GALK2: variants seen among roughly 807,000 people sequenced by gnomAD.
GALK2 encodes the protein N-acetylgalactosamine kinase.
Under a neutral mutation model 52.4 loss-of-function variants are expected in GALK2, and 36 were observed. The ratio of observed to expected loss-of-function variants is 0.69; its 90% CI spans 0.53 to 0.91. The LOEUF is 0.91. GALK2 is among the 40% of genes least tolerant of loss of function. GALK2 has a pLI of 0.00. For missense variants in GALK2, 579 were observed against 559.1 expected, an observed-to-expected ratio of 1.04 and a Z score of -0.36; for synonymous variants, 176 against 199.1, an observed-to-expected ratio of 0.88 and a Z score of 0.98.
intron 5 of GALK2, among the ~76,000 whole-genome samples, chr15:49,274,148 A>G (rs1253646842): frequency 1.3e-5 from 2 of 152,178 alleles, no homozygotes; most frequent in African/African-American, 4.8e-5. Context: ...ATTGCTTAAC[A>G]ATGGGGTAAT....
In GALK2 at chr15:49,285,054, A is replaced by G. The variant is rs1595961024; in HGVS notation, c.756+1336A>G. 3.9e-5 allele frequency among the ~76,000 whole-genome samples: 6 copies of G among 152,114 alleles called. No homozygotes were observed. In the East Asian group the frequency reaches 9.6e-4, roughly 24 times the overall value. On this transcript the variant is annotated intron_variant, in intron 7 of 9. Coordinates refer to ENST00000560031, the MANE Select transcript of GALK2 (RefSeq NM_002044.4). Reference sequence around the variant, plus strand: ...AAACTTCTCAAAAATTGCTTTATATATGTTATCTTTACTCCTCTACCTCCC... The same window carrying G: ...AAACTTCTCAAAAATTGCTTTATATGTGTTATCTTTACTCCTCTACCTCCC...
rs781417290 is a variant in GALK2, at chr15:49,292,526, A to G, written c.956A>G (p.Asn319Ser). The change falls in exon 8 of 10, where the codon AAC becomes AGC. Residue 319 changes from asparagine (N) to serine (S), a missense_variant. Coordinates refer to ENST00000560031, the MANE Select transcript of GALK2 (RefSeq NM_002044.4). ...CTCCGAACCCAAATCCTGAGTCCAAACACTCAAGATGGTGAGTTGGCTGGA... is the reference window on the plus strand; with the variant it reads ...CTCCGAACCCAAATCCTGAGTCCAAGCACTCAAGATGGTGAGTTGGCTGGA... ...EELRTQILSPNTQDVLIFKLY... is the reference protein window; with the variant it reads ...EELRTQILSPSTQDVLIFKLY... The G allele has an allele frequency of 3.7e-6, 6 of 1,613,200 alleles. No homozygotes were observed. The highest frequency in any genetic ancestry group is 5.1e-6 in the Non-Finnish European group (6 of 1,179,252).
intron 2 of GALK2, among the ~76,000 whole-genome samples, chr15:49,201,469 GT>G (rs2087770216): frequency 6.6e-6 from 1 of 151,836 alleles, no homozygotes; most frequent in Non-Finnish European, 1.5e-5. Context: ...GTATTAATTT[GT>G]TGAAACCAAG....
rs531178673 is a variant in GALK2, at chr15:49,207,873, G to T, written c.142+6623G>T. On this transcript the variant is annotated intron_variant, in intron 2 of 9. Coordinates refer to ENST00000560031, the MANE Select transcript of GALK2 (RefSeq NM_002044.4). ...GCTCACTGCAATGTCCACCACCCAGGTTCAAGCTTCTCCTGCCTCAGCCTG... is the reference window on the plus strand; with the variant it reads ...GCTCACTGCAATGTCCACCACCCAGTTTCAAGCTTCTCCTGCCTCAGCCTG... 2.6e-5 allele frequency among the ~76,000 whole-genome samples: 4 copies of T among 152,252 alleles called. No individual in the cohort carries two copies. In the South Asian group the frequency reaches 8.3e-4, roughly 32 times the overall value.
chr15:49,309,931 A>G (rs2035855514), intron 8 of GALK2, among the ~76,000 whole-genome samples: 1 of 152,124 alleles, frequency 6.6e-6, no homozygotes, highest in South Asian at 2.1e-4. Context: ...GAACATGTAT[A>G]ATAAATTCTT....
At chr15:49,220,457 A>G (rs2089716250) in intron 3 of GALK2, among the ~76,000 whole-genome samples, 1 of 151,954 alleles carries the variant, frequency 6.6e-6, no homozygotes, top group Non-Finnish European at 1.5e-5. Flanking sequence ...TTGTGTATAT[A>G]TACATTTTCT....
At chr15:49,287,959 T>C (rs202009910) in intron 7 of GALK2, among the ~76,000 whole-genome samples, 9 of 151,486 alleles carry the variant, frequency 5.9e-5, no homozygotes, top group Non-Finnish European at 5.9e-5. Context: ...CTCTGTCTCT[T>C]TCTCTCCATC....
At chr15:49,200,175 A>T (rs2087616356) in intron 1 of GALK2, among the ~76,000 whole-genome samples, 1 of 152,198 alleles carries the variant, frequency 6.6e-6, no homozygotes, top group South Asian at 2.1e-4. Context: ...TATTAAATAT[A>T]TTACAAGAAT....
At chr15:49,353,614 GTTTTTTT>G (rs59655647) in intron 3 of GALK2, 1 of 138,722 alleles carries the variant, frequency 7.2e-6, no homozygotes, top group Non-Finnish European at 1.5e-5. Context: ...GAAAATAAGG[GTTTTTTT>G]TTTTTTTTGT....
intron 3 of GALK2, among the ~76,000 whole-genome samples, chr15:49,220,323 A>G (rs946724704): frequency 6.6e-6 from 1 of 152,016 alleles, no homozygotes; most frequent in Non-Finnish European, 1.5e-5. Flanking sequence ...TCATGAGATC[A>G]GTTTTTTAAG....
intron 9 of GALK2, among the ~76,000 whole-genome samples, chr15:49,326,036 G>T (rs2037420786): frequency 6.6e-6 from 1 of 152,212 alleles, no homozygotes; most frequent in Non-Finnish European, 1.5e-5. Flanking sequence ...TTAGAAGTTG[G>T]ATTGAGGACC....
At chr15:49,270,641 G>T (rs759782374) in intron 5 of GALK2, among the ~76,000 whole-genome samples, 2 of 152,108 alleles carry the variant, frequency 1.3e-5, no homozygotes, top group African/African-American at 4.8e-5. Context: ...CCCACTACAT[G>T]TCAAAGTGTT....
In GALK2 at chr15:49,330,299, T is replaced by A. The variant is rs574898263; in HGVS notation, c.*2140T>A. On this transcript the variant is annotated 3_prime_UTR_variant, in exon 10 of 10. Transcript: ENST00000560031. ...TGGAGCTAGCTTTTGAAGAGTCAAATCCAGGCAGCATTTAGATCAGGGGTT... is the reference window on the plus strand; with the variant it reads ...TGGAGCTAGCTTTTGAAGAGTCAAAACCAGGCAGCATTTAGATCAGGGGTT... 1.3e-5 allele frequency: 2 copies of A among 152,182 alleles called. No individual in the cohort carries two copies. Among genetic ancestry groups the A allele is most frequent in the Non-Finnish European group, 2.9e-5 (2 of 68,028 alleles). 9.4% of individuals were successfully genotyped at this position (152,182 alleles called of 1,614,324 possible). A position where few individuals can be genotyped will look rare whatever the true frequency, so the allele number is the denominator to read the frequency against.
intron 3 of GALK2, among the ~76,000 whole-genome samples, chr15:49,340,209 G>A (rs1396235640): frequency 2.6e-5 from 4 of 152,142 alleles, no homozygotes; most frequent in East Asian, 1.9e-4. Flanking sequence ...CCAAACAGCC[G>A]CCCAGTTTTG....
intron 3 of GALK2, among the ~76,000 whole-genome samples, chr15:49,355,012 G>C (rs1042078961): frequency 3.3e-5 from 5 of 151,572 alleles, no homozygotes; most frequent in South Asian, 2.1e-4. Context: ...TACTCCAACA[G>C]ACCTGCAGCT....
In GALK2 at chr15:49,242,332, A is replaced by G. The variant is rs139966024; in HGVS notation, c.504+2965A>G. Among the ~76,000 whole-genome samples, 173 of 152,284 alleles carry G rather than the reference A, an allele frequency of 1.1e-3. 2 individuals carry two copies. Among genetic ancestry groups the G allele is most frequent in the African/African-American group, 4.1e-3 (171 of 41,568 alleles). Reference sequence around the variant, plus strand: ...GTGAAGCTGGAAGCCATTGTACTTTAGGAGCTGTGGATATAGAGTAATGTT... The same window carrying G: ...GTGAAGCTGGAAGCCATTGTACTTTGGGAGCTGTGGATATAGAGTAATGTT... On this transcript the variant is annotated intron_variant, in intron 5 of 9. Coordinates refer to ENST00000560031, the MANE Select transcript of GALK2 (RefSeq NM_002044.4).
intron 5 of GALK2, among the ~76,000 whole-genome samples, chr15:49,247,309 C>A (rs756286338): frequency 6.6e-6 from 1 of 151,998 alleles, no homozygotes; most frequent in Non-Finnish European, 1.5e-5. Flanking sequence ...TCATTCTAAG[C>A]GTAATGGAAA....
chr15:49,206,304 A>G (rs994804518), intron 2 of GALK2, among the ~76,000 whole-genome samples: 1 of 151,728 alleles, frequency 6.6e-6, no homozygotes, highest in African/African-American at 2.4e-5. Flanking sequence ...TGTGCAGGTT[A>G]GTTACATATG....
chr15:49,172,216 A>G (rs1460113430), intron 1 of GALK2, among the ~76,000 whole-genome samples: 3 of 152,220 alleles, frequency 2.0e-5, no homozygotes, highest in Non-Finnish European at 4.4e-5. Flanking sequence ...GTATAGGTAC[A>G]TGTACTAAAA....
Sources: allele counts gnomAD v4.1 joint callset (sites outside exome capture counted in the v4.1 genomes callset), GRCh38; gene constraint gnomAD v4.1.1; transcripts MANE v1.5; gene names NCBI Gene and HGNC (gene_info 2026-07-23, HGNC 2026-07-21).